Variants in CLEC1A observed in about 807,000 individuals in gnomAD.
The protein encoded by CLEC1A is C-type lectin domain family 1 member A, also known as C-type lectin-like receptor-1.
A neutral mutation model predicts 28.7 loss-of-function variants in CLEC1A; 34 were observed. That is an observed-to-expected ratio of 1.18 (90% CI 0.90 to 1.57). CLEC1A has a LOEUF of 1.57. Among genes scored for constraint, CLEC1A ranks in the 40% most tolerant of loss-of-function variants. The pLI is 0.00. For synonymous variants in CLEC1A, 116 were observed against 121.0 expected (o/e 0.96, Z 0.27); for missense variants, 385 against 339.5 (o/e 1.13, Z -1.05).
At chr12:10,095,419 G>C (rs1046974951) in intron 1 of CLEC1A, among the ~76,000 whole-genome samples, 1 of 152,002 alleles carries the variant, frequency 6.6e-6, no homozygotes, top group East Asian at 1.9e-4. Flanking sequence ...TTAATGTGAA[G>C]TTCTCTCCCT....
intron 1 of CLEC1A, among the ~76,000 whole-genome samples, chr12:10,097,642 T>G (rs1450230640): frequency 1.3e-5 from 2 of 152,224 alleles, no homozygotes; most frequent in African/African-American, 2.4e-5. Flanking sequence ...CAGAACTTAT[T>G]TGTACATGCT....
chr12:10,090,517 G>C (rs1047505007), intron 1 of CLEC1A, among the ~76,000 whole-genome samples: 1 of 152,008 alleles, frequency 6.6e-6, no homozygotes, highest in Admixed American at 6.6e-5. Flanking sequence ...CTCTAACCCC[G>C]CCTCCCAAAG....
At chr12:10,087,204 CAA>C (rs59407880) in intron 2 of CLEC1A, among the ~76,000 whole-genome samples, 2 of 76,000 alleles carry the variant, frequency 2.6e-5, no homozygotes, top group Admixed American at 1.7e-4. Context: ...GACTCCATCT[CAA>C]AAAAAAAAAA....
In CLEC1A at chr12:10,071,454, T is replaced by C. The variant is rs1449866955; in HGVS notation, c.722A>G (p.Asn241Ser). ...GCAGTCCTTTGAGAAGATCATCCCA[T>C]TAAGGATGGCCACACAGTCTCTGCT... Reference protein sequence around the residue: ...PRSRDCVAILNGMIFSKDCKE... With the variant: ...PRSRDCVAILSGMIFSKDCKE... The change falls in exon 6 of 6, where the codon AAT (asparagine) becomes AGT (serine). Residue 241 changes from asparagine (N) to serine (S), a missense_variant. Coordinates refer to ENST00000315330, the MANE Select transcript of CLEC1A (RefSeq NM_016511.4). 1.9e-6 allele frequency: 3 copies of C among 1,613,652 alleles called. No individual in the cohort carries two copies. The Admixed American group carries it at 5.0e-5, about 27-fold the overall frequency.
At chr12:10,077,390 CAG>C (rs1319746489) in intron 3 of CLEC1A, among the ~76,000 whole-genome samples, 6 of 152,060 alleles carry the variant, frequency 3.9e-5, no homozygotes, top group South Asian at 2.1e-4. Flanking sequence ...GCCTAGACAA[CAG>C]AGTGAGACCC....
chr12:10,097,294 C>T (rs546149320), intron 1 of CLEC1A, among the ~76,000 whole-genome samples: 2 of 152,302 alleles, frequency 1.3e-5, no homozygotes, highest in South Asian at 2.1e-4. Flanking sequence ...AATGGTATCA[C>T]ATCATTATGT....
rs2137344841 is a variant in CLEC1A, at chr12:10,081,240, C to T, written c.388G>A (p.Gly130Arg). The part of the protein sequence containing the change: ...KLCRELYNKA[G>R]AHRCSPCTEQ... ...AGAGTGACCAGGACACACTTACCTC[C>T]AGCTTTGTTATACAGCTCACGACAG... The change falls in exon 3 of 6, where the codon GGA becomes AGA. Residue 130 changes from glycine to arginine, a missense_variant. By Grantham distance (125) the Gly-to-Arg change is moderately radical. Transcript: ENST00000315330. 6.3e-7 allele frequency: 1 copy of T among 1,577,366 alleles called. No homozygotes were observed.
At chr12:10,091,719 A>G (rs554131138) in intron 1 of CLEC1A, among the ~76,000 whole-genome samples, 5 of 152,166 alleles carry the variant, frequency 3.3e-5, no homozygotes, top group African/African-American at 1.2e-4. Context: ...CCAAAACCCT[A>G]TATTTGTAAA....
At chr12:10,096,371 C>T (rs1023978876) in intron 1 of CLEC1A, among the ~76,000 whole-genome samples, 18 of 152,160 alleles carry the variant, frequency 1.2e-4, no homozygotes, top group African/African-American at 3.9e-4. Context: ...TCCAACACCT[C>T]GACATCTTTC....
Position 10,098,399 on chromosome 12 carries a change from C to T in CLEC1A, c.115+409G>A, listed in dbSNP as rs573202931. On this transcript the variant is annotated intron_variant, in intron 1 of 5. Transcript: ENST00000315330. The stretch of plus-strand genomic sequence containing the variant: ...TAAAACACTGCCAGCACATAATGAG[C>T]CCTTTATACATGTTTGTGGCCGTTA... Among the ~76,000 whole-genome samples the T allele has an allele frequency of 2.0e-5, 3 of 152,110 alleles. No individual in the cohort carries two copies. The East Asian group carries it at 5.8e-4, about 29-fold the overall frequency.
chr12:10,094,839 T>G (rs1199947460), intron 1 of CLEC1A, among the ~76,000 whole-genome samples: 22 of 152,184 alleles, frequency 1.4e-4, no homozygotes, highest in Non-Finnish European at 1.5e-5. Flanking sequence ...AGGCTCTTTC[T>G]GTTTTAGTCA....
intron 1 of CLEC1A, 21 bp downstream of exon 1, chr12:10,098,787 G>A (rs1201256162): frequency 3.9e-6 from 6 of 1,545,734 alleles, no homozygotes; most frequent in Admixed American, 3.4e-5. Context: ...TGGTCTATTT[G>A]GACTCCAGGA....
intron 1 of CLEC1A, among the ~76,000 whole-genome samples, chr12:10,097,593 T>C (rs1231288340): frequency 6.6e-6 from 1 of 151,924 alleles, no homozygotes; most frequent in African/African-American, 2.4e-5. Flanking sequence ...AGCTAGTGTT[T>C]TATCTTGCTC....
intron 3 of CLEC1A, 114 bp downstream of exon 3, chr12:10,081,123 T>C (rs904653487): frequency 1.1e-6 from 1 of 902,090 alleles, no homozygotes; most frequent in Admixed American, 2.8e-5. Context: ...CCAAACCCTT[T>C]TTCAGTTTGC....
rs188773789 is a variant in CLEC1A, at chr12:10,088,688, G to A, written c.214+436C>T. 2.8e-3 allele frequency among the ~76,000 whole-genome samples: 423 copies of A among 152,008 alleles called. 1 individual carries two copies. Among genetic ancestry groups the A allele is most frequent in the African/African-American group, 9.3e-3 (387 of 41,434 alleles). ...AACTTCCTGGCCTTTAAAAAATATG[G>A]TGATTAAGGAGTTTACCTACTCTCC... On this transcript the variant is annotated intron_variant, in intron 2 of 5. Coordinates refer to ENST00000315330, the MANE Select transcript of CLEC1A (RefSeq NM_016511.4).
At chr12:10,080,050 T>G (rs1253306275) in intron 3 of CLEC1A, among the ~76,000 whole-genome samples, 2 of 152,124 alleles carry the variant, frequency 1.3e-5, no homozygotes, top group African/African-American at 4.8e-5. Flanking sequence ...AGTTTACGCT[T>G]ATAATCCTAG....
chr12:10,093,142 G>A (rs907355363), intron 1 of CLEC1A, among the ~76,000 whole-genome samples: 15 of 151,842 alleles, frequency 9.9e-5, no homozygotes, highest in African/African-American at 3.4e-4. Context: ...TTTATTCCAA[G>A]TGCTCCTAAT....
chr12:10,080,366 C>T (rs1866342809), intron 3 of CLEC1A, among the ~76,000 whole-genome samples: 1 of 151,794 alleles, frequency 6.6e-6, no homozygotes, highest in Non-Finnish European at 1.5e-5. Flanking sequence ...GACATTATGA[C>T]CATTGAGGTC....
chr12:10,073,389 T>G lies in CLEC1A; in HGVS notation c.566A>C (p.Tyr189Ser). The change falls in exon 5 of 6, where the codon TAC becomes TCC. Residue 189 changes from tyrosine (Y) to serine (S), a missense_variant. Physicochemically the swap from Tyr to Ser is moderately radical, Grantham distance 144. Coordinates refer to ENST00000315330, the MANE Select transcript of CLEC1A (RefSeq NM_016511.4). ...EDLEFAASQS[Y>S]SEFFYSYWTG... is the part of the protein sequence containing the mutation. Reference sequence around the variant, plus strand: ...CCAATAAGAGTAGAAAAACTCAGAGTAGCTCTGAGACGCGGCAAATTCCTG... The same window carrying G: ...CCAATAAGAGTAGAAAAACTCAGAGGAGCTCTGAGACGCGGCAAATTCCTG... 2.5e-6 allele frequency: 4 copies of G among 1,613,340 alleles called. No individual in the cohort carries two copies. The highest frequency in any genetic ancestry group is 1.7e-4 in the Middle Eastern group (1 of 6,060).
Sources: allele counts gnomAD v4.1 joint callset (sites outside exome capture counted in the v4.1 genomes callset), GRCh38; gene constraint gnomAD v4.1.1; transcripts MANE v1.5; gene names NCBI Gene and HGNC (gene_info 2026-07-23, HGNC 2026-07-21).